The following RYR2 variants were observed in gnomAD, a reference collection of about 807,000 sequenced individuals.
RYR2 encodes the protein cardiac muscle ryanodine receptor-calcium release channel.
In RYR2, 227 loss-of-function variants were observed where a neutral mutation model predicts 601.1. The observed-to-expected ratio is 0.38, with a 90% CI of 0.34 to 0.42. The LOEUF (loss-of-function observed/expected upper bound fraction) is 0.42. RYR2 is among the 10% of genes least tolerant of loss of function. The pLI is 1.00. For missense variants in RYR2, 4,646 were observed against 6,156.5 expected, an observed-to-expected ratio of 0.75 and a Z score of 8.21; for synonymous variants, 2,223 against 2,175.1, an observed-to-expected ratio of 1.02 and a Z score of -0.61.
intron 102 of RYR2, among the ~76,000 whole-genome samples, 175 bp downstream of exon 102, chr1:237,828,620 C>A (rs945528442): frequency 6.6e-6 from 1 of 152,164 alleles, no homozygotes; most frequent in Admixed American, 6.5e-5. Context: ...GCGTGGTCGG[C>A]TGAAATTGTG....
At chr1:237,565,171 CTTTCTTTCTTTCTTTCTTTCTTTCTTT>C (rs1559035667) in intron 27 of RYR2, among the ~76,000 whole-genome samples, 12 of 30,912 alleles carry the variant, frequency 3.9e-4, no homozygotes, top group South Asian at 4.0e-3. Context: ...TTCTTTCTTT[CTTTCTTTCTTTCTTTCTTTCTTTCTTT>C]CTTTCTTTCT....
intron 1 of RYR2, among the ~76,000 whole-genome samples, chr1:237,137,312 G>A (rs935117566): frequency 2.0e-5 from 3 of 152,110 alleles, no homozygotes; most frequent in Admixed American, 2.0e-4. Flanking sequence ...TCATGCCTTT[G>A]TGCTGGTGGG....
At chr1:237,104,998 G>A (rs577608284) in intron 1 of RYR2, among the ~76,000 whole-genome samples, 1 of 152,224 alleles carries the variant, frequency 6.6e-6, no homozygotes, top group African/African-American at 2.4e-5. Flanking sequence ...CTGGCAGACT[G>A]TCAGGGAGAA....
At chr1:237,343,801 T>C (rs1256290062) in intron 3 of RYR2, among the ~76,000 whole-genome samples, 3 of 151,868 alleles carry the variant, frequency 2.0e-5, no homozygotes, top group Non-Finnish European at 4.4e-5. Flanking sequence ...TGTATGTAGT[T>C]TCCCCATAAG....
chr1:237,049,004 A>C (rs1660926597), intron 1 of RYR2, among the ~76,000 whole-genome samples: 1 of 152,094 alleles, frequency 6.6e-6, no homozygotes, highest in African/African-American at 2.4e-5. Context: ...GAAGAGTAGG[A>C]GTGTTGGTGG....
At chr1:237,556,449 T>C (rs922883153) in intron 27 of RYR2, among the ~76,000 whole-genome samples, 2 of 147,294 alleles carry the variant, frequency 1.4e-5, no homozygotes, top group South Asian at 2.2e-4. Context: ...TACATGCGCC[T>C]GCCACGAGGC....
At chr1:237,642,001 G>A (rs1475678) in intron 47 of RYR2, among the ~76,000 whole-genome samples, 65,981 of 152,036 alleles carry the variant, frequency 0.43, 15,641 homozygotes, top group Non-Finnish European at 0.54. Flanking sequence ...TCCTGGCCCA[G>A]GGCCCAAAAC....
intron 24 of RYR2, among the ~76,000 whole-genome samples, chr1:237,527,207 T>G (rs976423375): frequency 6.6e-6 from 1 of 152,206 alleles, no homozygotes; most frequent in African/African-American, 2.4e-5. Flanking sequence ...TACTATATCC[T>G]TATATATAAG....
At chr1:237,486,439 G>A (rs974656447) in intron 17 of RYR2, among the ~76,000 whole-genome samples, 1 of 152,124 alleles carries the variant, frequency 6.6e-6, no homozygotes, top group African/African-American at 2.4e-5. Flanking sequence ...TGTGTTCTCT[G>A]TGTAGCAACT....
chr1:237,382,790 T>G (rs1176168593), intron 8 of RYR2, among the ~76,000 whole-genome samples: 2 of 152,202 alleles, frequency 1.3e-5, no homozygotes, highest in African/African-American at 4.8e-5. Flanking sequence ...TGATTTATTA[T>G]ATGAACCAAT....
At chr1:237,567,415 C>CAAAAAAAA (rs3057438) in intron 28 of RYR2, among the ~76,000 whole-genome samples, 5 of 111,960 alleles carry the variant, frequency 4.5e-5, no homozygotes, top group East Asian at 5.1e-4. Context: ...CCTGTCTCTA[C>CAAAAAAAA]AAAAAAAAAA....
chr1:237,637,850 T>C (rs1449293849), intron 44 of RYR2, among the ~76,000 whole-genome samples: 1 of 152,168 alleles, frequency 6.6e-6, no homozygotes, highest in Non-Finnish European at 1.5e-5. Context: ...CTGCAGCTCT[T>C]GGCCCACCCA....
At position 237,219,169 on chromosome 1, in the gene RYR2, G is replaced by A. The variant is rs572484475; in HGVS notation, c.49-51328G>A. 5.3e-5 allele frequency among the ~76,000 whole-genome samples: 8 copies of A among 151,742 alleles called. 1 individual carries two copies. Among genetic ancestry groups the A allele is most frequent in the Admixed American group, 2.6e-4 (4 of 15,246 alleles). On this transcript the variant is annotated intron_variant, in intron 1 of 104. Transcript: ENST00000366574. ...TGGGATTACAGGCCTGTGCCACCCC[G>A]CCCAGCTAATTTTTTTCTTTGTATT...
intron 16 of RYR2, among the ~76,000 whole-genome samples, chr1:237,461,428 G>C (rs573168733): frequency 6.6e-5 from 10 of 152,100 alleles, no homozygotes; most frequent in Admixed American, 5.9e-4. Context: ...AAGAAGAAGG[G>C]CCTGGTCTGT....
chr1:237,271,913 T>A (rs1192166085), intron 2 of RYR2, among the ~76,000 whole-genome samples: 1 of 152,106 alleles, frequency 6.6e-6, no homozygotes, highest in African/African-American at 2.4e-5. Flanking sequence ...GCGGATCACT[T>A]GAGGTCAGGA....
chr1:237,082,349 A>G (rs1029660447), intron 1 of RYR2, among the ~76,000 whole-genome samples: 1 of 151,920 alleles, frequency 6.6e-6, no homozygotes. Flanking sequence ...TAGGAAGCCA[A>G]TGATGATGAG....
At chr1:237,693,063 C>T (rs535637110) in intron 63 of RYR2, among the ~76,000 whole-genome samples, 9 of 152,270 alleles carry the variant, frequency 5.9e-5, no homozygotes, top group African/African-American at 1.2e-4. Context: ...TAGATAAGTA[C>T]GCAGACACTT....
chr1:237,819,200 T>TC lies in RYR2; in HGVS notation c.14590+10dup. 6.2e-7 allele frequency: 1 copy of TC among 1,610,404 alleles called. No individual in the cohort carries two copies. Among genetic ancestry groups the TC allele is most frequent in the Non-Finnish European group, 8.5e-7 (1 of 1,177,002 alleles). ...TCTTGGCCATAATACAAGGTAAGTA[T>TC]CCTCCTCACTGAAGCTGATGAACAT... On this transcript the variant is annotated intron_variant, in intron 101 of 104. Coordinates refer to ENST00000366574, the MANE Select transcript of RYR2 (RefSeq NM_001035.3). The surrounding 1 kb of genome is among the most constrained non-coding windows in gnomAD (Gnocchi z 4.0).
rs180862949 is a variant in RYR2, at chr1:237,506,755, G to A, written c.2659G>A (p.Glu887Lys). 6.2e-7 allele frequency: 1 copy of A among 1,613,772 alleles called. No homozygotes were observed. The highest frequency in any genetic ancestry group is 8.5e-7 in the Non-Finnish European group (1 of 1,179,780). The stretch of plus-strand genomic sequence containing the variant: ...AGAAAGAATAAGAGAAAAACTGGCA[G>A]AGAATATCCATGAACTCTGGGTTAT... ...HLERIREKLA[E>K]NIHELWVMNK... Residue 887 changes from glutamate to lysine, a missense_variant, in exon 23 of 105, where the codon GAG becomes AAG. Glu to Lys is a moderately conservative substitution (Grantham distance 56). This residue lies in a region of RYR2 where 1,807 missense variants were observed against 2,088.1 expected (regional missense o/e 0.87). Transcript: ENST00000366574.
Sources: allele counts gnomAD v4.1 joint callset (sites outside exome capture counted in the v4.1 genomes callset), GRCh38; gene constraint gnomAD v4.1.1; regional missense constraint gnomAD v4.1.1; non-coding constraint Gnocchi (gnomAD v3.1); transcripts MANE v1.5; gene names NCBI Gene and HGNC (gene_info 2026-07-23, HGNC 2026-07-21).